The following HEATR4 variants were observed in gnomAD, a reference collection of about 807,000 sequenced individuals.
The protein encoded by HEATR4 is HEAT repeat containing 4.
A neutral mutation model predicts 108.8 loss-of-function variants in HEATR4; 95 were observed. The ratio of observed to expected loss-of-function variants is 0.87; its 90% confidence interval spans 0.74 to 1.04. HEATR4 has a LOEUF of 1.04. Among genes scored for constraint, HEATR4 ranks in the 50% least tolerant of loss-of-function variants. HEATR4 has a pLI of 0.00. For missense variants in HEATR4, 1,152 were observed against 1,253.8 expected (o/e 0.92, Z 1.23); for synonymous variants, 443 against 459.4 (o/e 0.96, Z 0.46).
chr14:73,582,239 C>T, the HEATR4 span: 5 of 149,772 alleles, frequency 3.3e-5, 1 homozygote, highest in Non-Finnish European at 7.4e-5. Context: ...TGCTCTCTGA[C>T]CCACTTGCTC....
rs531088714 is a variant in HEATR4, at chr14:73,522,303, T to G, written c.850A>C (p.Lys284Gln). Residue 284 changes from lysine (K) to glutamine (Q), a missense_variant, in exon 3 of 18, where the codon AAG becomes CAG. Lys to Gln is a moderately conservative substitution (Grantham distance 53). Coordinates refer to ENST00000553558, the MANE Select transcript of HEATR4 (RefSeq NM_001220484.1). The stretch of plus-strand genomic sequence containing the variant: ...TAAACGGGAAGCAGCAGTTCTGGCT[T>G]CTTCTTTTCCTGTGGGGGCAGGATG... ...SVILPPQEKK[K>Q]PELLLPVYYR... 1.2e-5 allele frequency: 19 copies of G among 1,608,912 alleles called. No homozygotes were observed. In the East Asian group the frequency reaches 4.1e-4, roughly 34 times the overall value.
chr14:73,506,804 G>GTTTTTTTTTTGTTTTTTTT (rs1886866979), intron 9 of HEATR4, among the ~76,000 whole-genome samples: 1 of 80,522 alleles, frequency 1.2e-5, no homozygotes, highest in Non-Finnish European at 2.2e-5. Context: ...GACTTTAACT[G>GTTTTTTTTTTGTTTTTTTT]TTTTTTTTTT....
chr14:73,569,216 T>C, the HEATR4 span: 2 of 1,611,352 alleles, frequency 1.2e-6, no homozygotes, highest in Non-Finnish European at 1.7e-6. Context: ...AGTGGGCGCT[T>C]AGCCTGCGAC....
At chr14:73,609,886 G>A in the HEATR4 span, among the ~76,000 whole-genome samples, 3 of 151,920 alleles carry the variant, frequency 2.0e-5, no homozygotes, top group African/African-American at 4.8e-5. Flanking sequence ...TGATCCACCC[G>A]CCTCAGCCTC....
the HEATR4 span, chr14:73,594,979 A>C: frequency 3.6e-5 from 56 of 1,565,458 alleles, no homozygotes; most frequent in East Asian, 1.2e-3. Flanking sequence ...TGTTGGGATT[A>C]CAGGCATGAG....
chr14:73,617,013 A>G, the HEATR4 span: 1 of 774,950 alleles, frequency 1.3e-6, no homozygotes, highest in Non-Finnish European at 2.2e-6. Flanking sequence ...TCCTGGGATC[A>G]TTGATCTGTT....
chr14:73,511,931 G>A, intron 7 of HEATR4, 75 bp downstream of exon 7: 3 of 1,579,044 alleles, frequency 1.9e-6, no homozygotes, highest in East Asian at 2.2e-5. Flanking sequence ...ATAAGCCCTG[G>A]GTCCCTACCA....
the HEATR4 span, among the ~76,000 whole-genome samples, chr14:73,625,607 A>C: frequency 6.7e-6 from 1 of 150,196 alleles, no homozygotes; most frequent in Admixed American, 6.6e-5. Flanking sequence ...GTGATCCACC[A>C]GCCTCGGCCT....
chr14:73,504,071 C>T (rs1886652707), intron 10 of HEATR4, among the ~76,000 whole-genome samples: 1 of 144,428 alleles, frequency 6.9e-6, no homozygotes, highest in Non-Finnish European at 1.5e-5. Context: ...GAGATTTTTG[C>T]ATTTCTTTTT....
the HEATR4 span, among the ~76,000 whole-genome samples, chr14:73,627,897 CT>C: frequency 6.6e-6 from 1 of 152,048 alleles, no homozygotes; most frequent in East Asian, 1.9e-4. Context: ...CAACTTCCGT[CT>C]CCTGGATTCA....
intron 17 of HEATR4, among the ~76,000 whole-genome samples, chr14:73,488,722 C>T (rs1007046918): frequency 1.2e-4 from 18 of 149,384 alleles, no homozygotes; most frequent in African/African-American, 4.4e-4. Flanking sequence ...AATACAGGAG[C>T]AATTAATGGT....
the HEATR4 span, among the ~76,000 whole-genome samples, chr14:73,572,949 A>C: frequency 0.14 from 21,770 of 151,444 alleles, 2,435 homozygotes; most frequent in Non-Finnish European, 0.22. Flanking sequence ...CCCAGCCTGC[A>C]TTATTACTAT....
At chr14:73,588,568 T>C in the HEATR4 span, among the ~76,000 whole-genome samples, 2 of 152,188 alleles carry the variant, frequency 1.3e-5, no homozygotes, top group Non-Finnish European at 2.9e-5. Flanking sequence ...GGAGAAAATA[T>C]GTGACTTGGA....
At chr14:73,601,277 T>A in the HEATR4 span, among the ~76,000 whole-genome samples, 1 of 152,008 alleles carries the variant, frequency 6.6e-6, no homozygotes, top group African/African-American at 2.4e-5. Flanking sequence ...ATAAACTACT[T>A]TAGCAGGTCA....
chr14:73,564,728 G>GTTT, the HEATR4 span, among the ~76,000 whole-genome samples: 2 of 37,172 alleles, frequency 5.4e-5, no homozygotes, highest in Non-Finnish European at 8.3e-5. Context: ...TCTGTTTTTT[G>GTTT]TTTTTTTTTT....
the HEATR4 span, chr14:73,593,843 T>C: frequency 1.2e-6 from 2 of 1,614,110 alleles, no homozygotes; most frequent in Admixed American, 1.7e-5. Flanking sequence ...CCCAATAACA[T>C]GGACAACATA....
At position 73,532,740 on chromosome 14, in the gene HEATR4, G is replaced by T. The variant is rs1406945933; in HGVS notation, c.-151-2496C>A. 1.1e-4 allele frequency among the ~76,000 whole-genome samples: 13 copies of T among 114,404 alleles called. 3 individuals are homozygous for T. The highest frequency in any genetic ancestry group is 2.1e-4 in the Non-Finnish European group (11 of 52,534). 75.1% of individuals were successfully genotyped at this position (114,404 alleles called of 152,430 possible). On this transcript the variant is annotated intron_variant, in intron 1 of 17. Coordinates refer to ENST00000553558, the MANE Select transcript of HEATR4 (RefSeq NM_001220484.1). ...GAGGCCAAGGTGGGCAGATCACAAGGTCAGGAGATTGAAACCATCCTAGCT... is the reference window on the plus strand; with the variant it reads ...GAGGCCAAGGTGGGCAGATCACAAGTTCAGGAGATTGAAACCATCCTAGCT...
At chr14:73,525,700 C>A (rs1888283919) in intron 2 of HEATR4, among the ~76,000 whole-genome samples, 1 of 152,154 alleles carries the variant, frequency 6.6e-6, no homozygotes, top group African/African-American at 2.4e-5. Flanking sequence ...CGTCAGTAAT[C>A]CCAGAACTTT....
At chr14:73,593,336 C>CTTTTTTTTTTTTT in the HEATR4 span, among the ~76,000 whole-genome samples, 15 of 104,862 alleles carry the variant, frequency 1.4e-4, no homozygotes, top group Non-Finnish European at 2.2e-4. Flanking sequence ...TTCTTTCTTT[C>CTTTTTTTTTTTTT]TTTTTTTTTT....
Sources: allele counts gnomAD v4.1 joint callset (sites outside exome capture counted in the v4.1 genomes callset), GRCh38; gene constraint gnomAD v4.1.1; transcripts MANE v1.5; gene names NCBI Gene and HGNC (gene_info 2026-07-23, HGNC 2026-07-21).